The following ZCCHC7 variants were observed in gnomAD, a reference collection of about 807,000 sequenced individuals.
ZCCHC7 encodes zinc finger CCHC domain-containing protein 7.
ZCCHC7 carries 35 observed loss-of-function variants against 52.0 expected under a neutral mutation model. The ratio of observed to expected loss-of-function variants is 0.67; its 90% CI spans 0.51 to 0.89. The LOEUF (loss-of-function observed/expected upper bound fraction) is 0.89, where lower values mean the gene tolerates loss of function less well. ZCCHC7 is among the 40% of genes least tolerant of loss of function. The pLI, the probability that ZCCHC7 is intolerant of heterozygous loss-of-function variation, is 0.00. For missense variants in ZCCHC7, 574 were observed against 649.1 expected (o/e 0.88, Z 1.26); for synonymous variants, 217 against 221.5 (o/e 0.98, Z 0.18).
chr9:37,347,076 T>C (rs1273697556), intron 6 of ZCCHC7, among the ~76,000 whole-genome samples: 1 of 152,224 alleles, frequency 6.6e-6, no homozygotes, highest in Non-Finnish European at 1.5e-5. Flanking sequence ...GATCCACGTT[T>C]AAGCCGATCC....
Position 37,184,406 on chromosome 9 carries a change from A to G in ZCCHC7, c.610+57464A>G, listed in dbSNP as rs544690711. ...TTGGCTTGCATCAAAAAAAAAAAAAAAAAGGCATTTAAAAAGTTATGCCAG... is the reference window on the plus strand; with the variant it reads ...TTGGCTTGCATCAAAAAAAAAAAAAGAAAGGCATTTAAAAAGTTATGCCAG... On this transcript the variant is annotated intron_variant, in intron 2 of 8. Transcript: ENST00000336755. 1.9e-3 allele frequency among the ~76,000 whole-genome samples: 283 copies of G among 151,968 alleles called. 2 individuals are homozygous for G. The highest frequency in any genetic ancestry group is 6.8e-3 in the Middle Eastern group (2 of 294).
At position 37,219,864 on chromosome 9, in the gene ZCCHC7, AACTGGTCTCTGAAGACTAG is replaced by A. The variant is rs538897754; in HGVS notation, c.611-82323_611-82305del. Reference sequence around the variant, plus strand: ...TTATTTTTTGATGAAATGTAACTTGAACTGGTCTCTGAAGACTAGGCAGAATTTGAATAGATATCAAGGA... The same window carrying A: ...TTATTTTTTGATGAAATGTAACTTGAGCAGAATTTGAATAGATATCAAGGA... On this transcript the variant is annotated intron_variant, in intron 2 of 8. Transcript: ENST00000336755. Among the ~76,000 whole-genome samples, 30 of 152,308 alleles carry A rather than the reference AACTGGTCTCTGAAGACTAG, an allele frequency of 2.0e-4. No homozygotes were observed. The East Asian group carries it at 4.1e-3, about 21-fold the overall frequency.
chr9:37,144,829 A>G (rs1346985733), intron 2 of ZCCHC7: 2 of 152,028 alleles, frequency 1.3e-5, no homozygotes, highest in South Asian at 2.1e-4. Context: ...CTGTTACTGT[A>G]AAGAAGGCTA....
At chr9:37,169,856 A>G (rs1821633397) in intron 2 of ZCCHC7, among the ~76,000 whole-genome samples, 1 of 152,168 alleles carries the variant, frequency 6.6e-6, no homozygotes, top group African/African-American at 2.4e-5. Flanking sequence ...GCTTGAGCCC[A>G]GCAGTTCAAG....
chr9:37,349,285 G>A lies in ZCCHC7; in HGVS notation c.988-72G>A, dbSNP rs549019543. On this transcript the variant is annotated intron_variant, in intron 6 of 8. Transcript: ENST00000336755. ...TTCTAAGGAATCCCTTACCTATAAA[G>A]CTCTTTTGGAAAGAATGAGGTTTTA... The A allele has an allele frequency of 5.7e-5, 85 of 1,485,000 alleles. 1 individual carries two copies. In the Admixed American group the frequency reaches 6.0e-4, roughly 10 times the overall value. 92.0% of individuals were successfully genotyped at this position (1,485,000 alleles called of 1,614,324 possible).
chr9:37,299,267 AC>A (rs1198636025), intron 2 of ZCCHC7, among the ~76,000 whole-genome samples: 3 of 152,204 alleles, frequency 2.0e-5, no homozygotes, highest in African/African-American at 7.2e-5. Flanking sequence ...AAGGCGAATT[AC>A]CTTGTGCTAG....
chr9:37,335,308 A>C (rs1830601431), intron 6 of ZCCHC7, among the ~76,000 whole-genome samples: 1 of 152,122 alleles, frequency 6.6e-6, no homozygotes, highest in African/African-American at 2.4e-5. Flanking sequence ...CAAATTTCTG[A>C]GGAAATTACT....
intron 2 of ZCCHC7, among the ~76,000 whole-genome samples, chr9:37,226,640 A>G (rs547007951): frequency 1.3e-5 from 2 of 152,318 alleles, no homozygotes; most frequent in East Asian, 1.9e-4. Flanking sequence ...CCATATGCCA[A>G]AAATGAACCA....
At chr9:37,120,757 GT>G (rs1266151217) in intron 1 of ZCCHC7, 134 bp downstream of exon 1, 1 of 344,880 alleles carries the variant, frequency 2.9e-6, no homozygotes, top group African/African-American at 2.1e-5. Flanking sequence ...CCCCTCACTC[GT>G]GGCAGGGCGC....
At chr9:37,350,135 GTT>G (rs34991780) in intron 7 of ZCCHC7, among the ~76,000 whole-genome samples, 2 of 129,868 alleles carry the variant, frequency 1.5e-5, no homozygotes, top group African/African-American at 3.0e-5. Context: ...TTTTTTTTTG[GTT>G]TTTTTTTTGA....
chr9:37,149,678 A>G (rs913588914), intron 2 of ZCCHC7, among the ~76,000 whole-genome samples: 1 of 152,204 alleles, frequency 6.6e-6, no homozygotes, highest in African/African-American at 2.4e-5. Context: ...AGTGTTTCGC[A>G]TGTAATATAT....
chr9:37,315,624 G>A (rs941896902), intron 5 of ZCCHC7, among the ~76,000 whole-genome samples: 5 of 151,654 alleles, frequency 3.3e-5, no homozygotes, highest in Non-Finnish European at 5.9e-5. Flanking sequence ...GGTAGTTTCA[G>A]ATATAAAGGA....
chr9:37,253,031 TTTTCATTTAAAACAACTCATA>T (rs1826404747), intron 2 of ZCCHC7, among the ~76,000 whole-genome samples: 1 of 152,104 alleles, frequency 6.6e-6, no homozygotes. Flanking sequence ...AGCTGAGTCA[TTTTCATTTAAAACAACTCATA>T]TTCCCATAAA....
At chr9:37,122,839 A>AG (rs1157193680) in intron 1 of ZCCHC7, among the ~76,000 whole-genome samples, 3 of 152,206 alleles carry the variant, frequency 2.0e-5, no homozygotes, top group Admixed American at 2.0e-4. Context: ...TGGGAGGCGG[A>AG]GGCAGGAGAA....
intron 2 of ZCCHC7, among the ~76,000 whole-genome samples, chr9:37,237,056 C>G (rs556208256): frequency 1.3e-5 from 2 of 152,264 alleles, no homozygotes; most frequent in East Asian, 3.9e-4. Flanking sequence ...AGTTCTCTAA[C>G]CAAAGGCAAT....
In ZCCHC7 at chr9:37,313,900, T is replaced by C. The variant is rs551284962; in HGVS notation, c.951+8186T>C. ...TACCCCAGTGTCAGGTAATTCTTTA[T>C]AATAATGTCAAAATGGACTAATACA... On this transcript the variant is annotated intron_variant, in intron 5 of 8. Transcript: ENST00000336755. Among the ~76,000 whole-genome samples, 3 of 152,344 alleles carry C rather than the reference T, an allele frequency of 2.0e-5. No individual in the cohort carries two copies. In the South Asian group the frequency reaches 6.2e-4, roughly 32 times the overall value.
Position 37,327,805 on chromosome 9 carries a change from A to T in ZCCHC7, c.958A>T (p.Thr320Ser), listed in dbSNP as rs1287319145. ...HMLGHYTDAC[T>S]EIWRQYHLTT... The stretch of plus-strand genomic sequence containing the variant: ...CAATATTTTTATTTTCCAGGCTTGC[A>T]CAGAAATCTGGAGGCAGTATCACCT... Residue 320 changes from threonine to serine, a missense_variant, in exon 6 of 9, where the codon ACA becomes TCA. By Grantham distance (58) the Thr-to-Ser change is moderately conservative (BLOSUM62 1). Coordinates refer to ENST00000336755, the MANE Select transcript of ZCCHC7 (RefSeq NM_032226.3). The T allele has an allele frequency of 1.2e-6, 2 of 1,613,084 alleles. No individual in the cohort carries two copies.
chr9:37,173,189 A>G (rs1821837090), intron 2 of ZCCHC7, among the ~76,000 whole-genome samples: 1 of 152,250 alleles, frequency 6.6e-6, no homozygotes, highest in African/African-American at 2.4e-5. Flanking sequence ...TTGAGTTAGC[A>G]ATGTCGGCAT....
intron 3 of ZCCHC7, among the ~76,000 whole-genome samples, chr9:37,303,724 C>G (rs1050962184): frequency 1.6e-5 from 2 of 124,210 alleles, no homozygotes; most frequent in Non-Finnish European, 3.1e-5. Context: ...AGTACAATGG[C>G]ACAATCTCGG....
Sources: gnomAD v4.1 joint callset for allele counts (sites outside exome capture counted in the v4.1 genomes callset) on GRCh38, gnomAD v4.1.1 for gene constraint, MANE v1.5 for transcripts, NCBI Gene and HGNC (gene_info 2026-07-23, HGNC 2026-07-21) for gene names.